The following EYS variants were observed in gnomAD, a reference collection of about 807,000 sequenced individuals.
EYS encodes the protein protein eyes shut homolog.
Under a neutral mutation model 282.1 loss-of-function variants are expected in EYS, and 250 were observed. The observed-to-expected ratio is 0.89, with a 90% CI of 0.80 to 0.98. The LOEUF (loss-of-function observed/expected upper bound fraction) is 0.98, where lower values mean the gene tolerates loss of function less well. Ranked by LOEUF, EYS falls within the 50% of genes least tolerant of loss-of-function variation. EYS has a pLI of 0.00. For synonymous variants in EYS, 1,355 were observed against 1,282.9 expected (o/e 1.06, Z -1.20); for missense variants, 4,016 against 3,709.0 (o/e 1.08, Z -2.15).
At chr6:65,468,960 ACTTTT>A (rs1306052311) in intron 5 of EYS, among the ~76,000 whole-genome samples, 7 of 152,230 alleles carry the variant, frequency 4.6e-5, no homozygotes, top group South Asian at 2.1e-4. Context: ...CTACTTAAAT[ACTTTT>A]CTTTACTTCT....
intron 26 of EYS, among the ~76,000 whole-genome samples, chr6:64,500,182 A>G (rs916251145): frequency 1.2e-4 from 19 of 152,112 alleles, no homozygotes; most frequent in African/African-American, 4.3e-4. Context: ...AGATCCAGTT[A>G]TTTTTTAAAA....
At chr6:64,935,047 A>C (rs1768860538) in intron 15 of EYS, among the ~76,000 whole-genome samples, 1 of 151,794 alleles carries the variant, frequency 6.6e-6, no homozygotes, top group South Asian at 2.1e-4. Flanking sequence ...ATATTTTTGC[A>C]CAGTGTTAAA....
chr6:64,092,898 A>C (rs2150252851), intron 31 of EYS, among the ~76,000 whole-genome samples: 1 of 151,600 alleles, frequency 6.6e-6, no homozygotes, highest in Non-Finnish European at 1.5e-5. Flanking sequence ...TCTAACATTT[A>C]AGTCTTTAAT....
At chr6:65,083,502 G>T (rs920122370) in intron 12 of EYS, among the ~76,000 whole-genome samples, 3 of 151,704 alleles carry the variant, frequency 2.0e-5, no homozygotes. Context: ...TATTTGTTTT[G>T]TTTCCTAGAT....
chr6:64,848,806 T>C (rs1765793922), intron 19 of EYS, among the ~76,000 whole-genome samples: 2 of 151,860 alleles, frequency 1.3e-5, no homozygotes, highest in African/African-American at 4.8e-5. Flanking sequence ...CCTATGGCAA[T>C]AACTAATATT....
At chr6:64,285,446 C>T (rs1768464071) in intron 30 of EYS, among the ~76,000 whole-genome samples, 1 of 152,204 alleles carries the variant, frequency 6.6e-6, no homozygotes, top group South Asian at 2.1e-4. Flanking sequence ...CTGAGACCAC[C>T]TCAGCCTTGA....
intron 36 of EYS, among the ~76,000 whole-genome samples, chr6:63,850,985 C>T (rs973111070): frequency 2.6e-5 from 4 of 152,096 alleles, no homozygotes; most frequent in Non-Finnish European, 5.9e-5. Flanking sequence ...GGAATATTTA[C>T]CAAGCAAATG....
chr6:64,145,786 GCTC>G (rs34881851), intron 31 of EYS, among the ~76,000 whole-genome samples: 2,069 of 152,202 alleles, frequency 0.014, 16 homozygotes, highest in Non-Finnish European at 0.021. Flanking sequence ...AGGAAGATCT[GCTC>G]CTCTTTATTC....
chr6:65,057,538 T>G, intron 13 of EYS, 76 bp downstream of exon 13: 2 of 878,402 alleles, frequency 2.3e-6, no homozygotes, highest in African/African-American at 3.3e-5. Context: ...AAGACTGAAA[T>G]GAGTTCAGAC....
chr6:64,450,972 T>G (rs1048981354), intron 26 of EYS, among the ~76,000 whole-genome samples: 2 of 151,814 alleles, frequency 1.3e-5, no homozygotes, highest in Non-Finnish European at 2.9e-5. Context: ...GCAAACACAT[T>G]CAAAAGCTAG....
chr6:64,442,220 A>G (rs1774972298), intron 26 of EYS, among the ~76,000 whole-genome samples: 1 of 152,116 alleles, frequency 6.6e-6, no homozygotes, highest in Admixed American at 6.6e-5. Flanking sequence ...AAGAGACTGG[A>G]GGTATTTTGC....
chr6:64,760,429 T>A (rs891508222), intron 22 of EYS, among the ~76,000 whole-genome samples: 1 of 152,148 alleles, frequency 6.6e-6, no homozygotes, highest in Non-Finnish European at 1.5e-5. Context: ...ACTTTCTACA[T>A]CATAGCTTCT....
chr6:64,747,229 G>A lies in EYS; in HGVS notation c.3443+66149C>T, dbSNP rs115460491. 4.2e-3 allele frequency among the ~76,000 whole-genome samples: 643 copies of A among 152,228 alleles called. 6 individuals are homozygous for A. Among genetic ancestry groups the A allele is most frequent in the African/African-American group, 0.015 (620 of 41,524 alleles). Reference sequence around the variant, plus strand: ...AGGTCCAGAGTAATTTTTAACTACCGTTAATTTCCAGAGAAGGCTTTCCCA... The same window carrying A: ...AGGTCCAGAGTAATTTTTAACTACCATTAATTTCCAGAGAAGGCTTTCCCA... On this transcript the variant is annotated intron_variant, in intron 22 of 42. Coordinates refer to ENST00000503581, the MANE Select transcript of EYS (RefSeq NM_001142800.2).
At chr6:63,905,862 C>T (rs1773767184) in intron 35 of EYS, among the ~76,000 whole-genome samples, 1 of 152,204 alleles carries the variant, frequency 6.6e-6, no homozygotes, top group Non-Finnish European at 1.5e-5. Flanking sequence ...TCTCCTACTC[C>T]TATCCCCGTT....
chr6:63,891,573 G>A (rs1391946127), intron 35 of EYS, among the ~76,000 whole-genome samples: 3 of 152,146 alleles, frequency 2.0e-5, no homozygotes, highest in Non-Finnish European at 4.4e-5. Flanking sequence ...ACTAGGTATT[G>A]ATGGAACATA....
chr6:64,845,822 C>A (rs529325642), intron 19 of EYS, among the ~76,000 whole-genome samples: 1 of 152,060 alleles, frequency 6.6e-6, no homozygotes, highest in Admixed American at 6.6e-5. Flanking sequence ...TCTTCCTTTT[C>A]TAAACTTTCC....
chr6:63,946,153 G>C (rs1765390908), intron 35 of EYS, among the ~76,000 whole-genome samples: 1 of 152,178 alleles, frequency 6.6e-6, no homozygotes, highest in Non-Finnish European at 1.5e-5. Context: ...TCAAGTGGCA[G>C]AGCTGGTCCT....
intron 12 of EYS, among the ~76,000 whole-genome samples, chr6:65,154,017 A>C (rs1764677862): frequency 6.6e-6 from 1 of 151,758 alleles, no homozygotes; most frequent in Admixed American, 6.6e-5. Context: ...ATGTTATGCC[A>C]CTCAGCTGGT....
At chr6:64,057,436 G>A (rs1321016569) in intron 33 of EYS, among the ~76,000 whole-genome samples, 1 of 146,596 alleles carries the variant, frequency 6.8e-6, no homozygotes, top group Non-Finnish European at 1.5e-5. Context: ...TAACAATGAT[G>A]CTCTGTTATT....
Sources: gnomAD v4.1 joint callset for allele counts (sites outside exome capture counted in the v4.1 genomes callset) on GRCh38, gnomAD v4.1.1 for gene constraint, MANE v1.5 for transcripts, NCBI Gene and HGNC (gene_info 2026-07-23, HGNC 2026-07-21) for gene names.